Variants in AGMO observed in about 807,000 individuals in gnomAD.
AGMO encodes glyceryl-ether monooxygenase.
AGMO carries 75 observed loss-of-function variants against 60.2 expected under a neutral mutation model. The observed-to-expected ratio is 1.25, with a 90% CI of 1.03 to 1.51. The LOEUF (loss-of-function observed/expected upper bound fraction) is 1.51, where lower values mean the gene tolerates loss of function less well. Among genes scored for constraint, AGMO ranks in the 40% most tolerant of loss-of-function variants. The pLI, the probability that AGMO is intolerant of heterozygous loss-of-function variation, is 0.00. For missense variants in AGMO, 763 were observed against 525.5 expected, an observed-to-expected ratio of 1.45 and a Z score of -4.42; for synonymous variants, 261 against 177.1, an observed-to-expected ratio of 1.47 and a Z score of -3.76.
chr7:15,548,567 C>T (rs959161610), intron 2 of AGMO, among the ~76,000 whole-genome samples: 103 of 148,896 alleles, frequency 6.9e-4, no homozygotes, highest in African/African-American at 2.5e-3. Flanking sequence ...AGGGTATCAG[C>T]GATGGAAGAT....
At chr7:15,396,521 T>A (rs556388849) in intron 5 of AGMO, 1 of 152,304 alleles carries the variant, frequency 6.6e-6, no homozygotes, top group African/African-American at 2.4e-5. Flanking sequence ...ATACATACAT[T>A]GCAAAGAGCA....
At chr7:15,121,052 TG>T in the AGMO span, among the ~76,000 whole-genome samples, 1 of 152,070 alleles carries the variant, frequency 6.6e-6, no homozygotes, top group Non-Finnish European at 1.5e-5. Flanking sequence ...AGTTCCCACA[TG>T]TAAGTGAGAA....
intron 12 of AGMO, among the ~76,000 whole-genome samples, chr7:15,322,969 A>G (rs531432845): frequency 0.015 from 883 of 57,112 alleles, 10 homozygotes; most frequent in African/African-American, 0.083. Context: ...ACGTGTGTGT[A>G]TATATATATG....
chr7:15,201,827 A>C (rs1251409803), intron 12 of AGMO, among the ~76,000 whole-genome samples: 3 of 152,206 alleles, frequency 2.0e-5, no homozygotes, highest in Non-Finnish European at 4.4e-5. Context: ...ATTAAATTCT[A>C]AACACTGCTG....
intron 5 of AGMO, among the ~76,000 whole-genome samples, chr7:15,399,438 T>A (rs1209406985): frequency 6.6e-6 from 1 of 152,250 alleles, no homozygotes; most frequent in East Asian, 1.9e-4. Flanking sequence ...AAGTAAAACC[T>A]GAGTGCTAAT....
chr7:15,191,979 A>ATTT, the AGMO span, among the ~76,000 whole-genome samples: 1 of 134,142 alleles, frequency 7.5e-6, no homozygotes, highest in Non-Finnish European at 1.6e-5. Flanking sequence ...TCTCTCACAC[A>ATTT]CACACACACA....
intron 12 of AGMO, among the ~76,000 whole-genome samples, chr7:15,322,535 A>T (rs1283943927): frequency 0.013 from 690 of 53,364 alleles, 30 homozygotes; most frequent in African/African-American, 0.073. Flanking sequence ...TAAATATATA[A>T]ATATATATAT....
chr7:15,538,703 A>C (rs774923439), intron 3 of AGMO, among the ~76,000 whole-genome samples: 7 of 152,174 alleles, frequency 4.6e-5, no homozygotes, highest in Non-Finnish European at 8.8e-5. Flanking sequence ...AATTAAAATA[A>C]TTTCTCAGCA....
chr7:15,397,990 CTCAGCAGTCAGGACATTGA>C (rs1022465651), intron 5 of AGMO, among the ~76,000 whole-genome samples: 2 of 152,138 alleles, frequency 1.3e-5, no homozygotes, highest in African/African-American at 4.8e-5. Flanking sequence ...GTGGGGGATC[CTCAGCAGTCAGGACATTGA>C]AATCTGATGC....
At chr7:15,157,712 A>T in the AGMO span, among the ~76,000 whole-genome samples, 4 of 152,050 alleles carry the variant, frequency 2.6e-5, no homozygotes, top group African/African-American at 7.3e-5. Flanking sequence ...TCCAGGTTCA[A>T]GCTTGCTGGT....
intron 12 of AGMO, among the ~76,000 whole-genome samples, chr7:15,361,330 G>C (rs1040189461): frequency 6.6e-6 from 1 of 151,420 alleles, no homozygotes; most frequent in East Asian, 1.9e-4. Context: ...ACCAGGTCAG[G>C]AGATTGAGAC....
chr7:15,331,077 A>C (rs1401005297), intron 12 of AGMO, among the ~76,000 whole-genome samples: 1 of 152,086 alleles, frequency 6.6e-6, no homozygotes, highest in East Asian at 1.9e-4. Context: ...CCTTTGGGCA[A>C]TCAAGCAGAG....
intron 12 of AGMO, among the ~76,000 whole-genome samples, chr7:15,309,458 G>A (rs1780704065): frequency 6.6e-6 from 1 of 152,068 alleles, no homozygotes; most frequent in South Asian, 2.1e-4. Flanking sequence ...AGCCAACTTT[G>A]AAGTCCAGTG....
At position 15,483,159 on chromosome 7, in the gene AGMO, T is replaced by C. The variant is rs1782806520; in HGVS notation, c.410-52051A>G. Among the ~76,000 whole-genome samples, 3 of 152,158 alleles carry C rather than the reference T, an allele frequency of 2.0e-5. No homozygotes were observed. In the South Asian group the frequency reaches 6.2e-4, roughly 31 times the overall value. On this transcript the variant is annotated intron_variant, in intron 3 of 12. Coordinates refer to ENST00000342526, the MANE Select transcript of AGMO (RefSeq NM_001004320.2). ...TAATAAATCCAAAACAACTGTAAAC[T>C]TTTAAATCTGAAAAAGAATTTAATA... is the stretch of plus-strand genomic sequence containing the variant.
chr7:15,296,717 T>C (rs1784418171), intron 12 of AGMO, among the ~76,000 whole-genome samples: 1 of 152,140 alleles, frequency 6.6e-6, no homozygotes. Flanking sequence ...ATTCTGTTAG[T>C]CCCTCTCTAC....
intron 12 of AGMO, among the ~76,000 whole-genome samples, chr7:15,246,427 T>G (rs1394809018): frequency 6.6e-6 from 1 of 152,154 alleles, no homozygotes; most frequent in African/African-American, 2.4e-5. Flanking sequence ...TAAGGTAGAT[T>G]TTTTAAAAAA....
chr7:15,455,306 T>TAACAAA lies in AGMO; in HGVS notation c.410-24199_410-24198insTTTGTT, dbSNP rs1207391641. 2.6e-5 allele frequency among the ~76,000 whole-genome samples: 4 copies of TAACAAA among 152,272 alleles called. No individual in the cohort carries two copies. The East Asian group carries it at 7.7e-4, about 29-fold the overall frequency. ...TCTCTACAATCTATCATTAGTTTAT[T>TAACAAA]CCCAAATTCTGCTGCAGAAATATTC... is the stretch of plus-strand genomic sequence containing the variant. On this transcript the variant is annotated intron_variant, in intron 3 of 12. Coordinates refer to ENST00000342526, the MANE Select transcript of AGMO (RefSeq NM_001004320.2).
At chr7:15,178,450 A>C in the AGMO span, among the ~76,000 whole-genome samples, 1 of 152,126 alleles carries the variant, frequency 6.6e-6, no homozygotes, top group Non-Finnish European at 1.5e-5. Context: ...TTGGTTCCTT[A>C]GTTCATGGGA....
intron 3 of AGMO, among the ~76,000 whole-genome samples, chr7:15,477,109 A>T (rs760213277): frequency 1.5e-4 from 23 of 151,292 alleles, no homozygotes; most frequent in Non-Finnish European, 5.9e-5. Context: ...AGCCTATCAC[A>T]GACTATTTAT....
Sources: gnomAD v4.1 joint callset for allele counts (sites outside exome capture counted in the v4.1 genomes callset) on GRCh38, gnomAD v4.1.1 for gene constraint, MANE v1.5 for transcripts, NCBI Gene and HGNC (gene_info 2026-07-23, HGNC 2026-07-21) for gene names.